Variants in SLC35D1 observed in about 807,000 individuals in gnomAD.
SLC35D1 encodes nucleotide sugar transporter SLC35D1.
SLC35D1 carries 31 observed loss-of-function variants against 46.7 expected under a neutral mutation model. That is an observed-to-expected ratio of 0.66 (90% CI 0.50 to 0.90). The LOEUF is 0.90. SLC35D1 is among the 40% of genes least tolerant of loss of function. SLC35D1 has a pLI of 0.00. For missense variants in SLC35D1, 397 were observed against 426.2 expected, an observed-to-expected ratio of 0.93 and a Z score of 0.60; for synonymous variants, 195 against 164.6, an observed-to-expected ratio of 1.18 and a Z score of -1.41.
downstream of SLC35D1, among the ~76,000 whole-genome samples, chr1:66,997,561 C>G (rs1317415154): frequency 1.8e-5 from 2 of 109,616 alleles, no homozygotes; most frequent in Non-Finnish European, 3.7e-5. Flanking sequence ...ATAGATATAT[C>G]TGTGTGTGTA....
chr1:66,986,434 T>C, the SLC35D1 span: 3 of 1,613,200 alleles, frequency 1.9e-6, no homozygotes, highest in East Asian at 4.5e-5. Context: ...CAGTTCATTT[T>C]TCAGCCATCA....
At chr1:66,985,309 A>C in the SLC35D1 span, 2 of 985,422 alleles carry the variant, frequency 2.0e-6, no homozygotes, top group African/African-American at 1.7e-5. Flanking sequence ...CTCAAGTCCA[A>C]ATTTCTGCTT....
chr1:66,973,120 T>C, the SLC35D1 span: 1 of 589,220 alleles, frequency 1.7e-6, no homozygotes, highest in South Asian at 2.1e-5. Context: ...TTTTGGTATT[T>C]AGTGAGTAAT....
chr1:66,986,082 T>C, the SLC35D1 span: 135 of 1,047,230 alleles, frequency 1.3e-4, 1 homozygote, highest in Admixed American at 4.5e-3. Context: ...TACTTAGATA[T>C]TGGCACACAC....
chr1:67,006,258 T>C (rs1276392650), intron 11 of SLC35D1, among the ~76,000 whole-genome samples: 2 of 152,124 alleles, frequency 1.3e-5, no homozygotes, highest in Admixed American at 6.5e-5. Flanking sequence ...CCTAGAAACT[T>C]TTCTGGTTTT....
chr1:66,990,530 G>T, the SLC35D1 span, among the ~76,000 whole-genome samples: 3 of 152,110 alleles, frequency 2.0e-5, no homozygotes, highest in Non-Finnish European at 1.5e-5. Flanking sequence ...GCCTCCCAAA[G>T]TGTTGGGATT....
At chr1:67,040,437 G>A (rs1301149676) in intron 8 of SLC35D1, among the ~76,000 whole-genome samples, 2 of 152,146 alleles carry the variant, frequency 1.3e-5, no homozygotes, top group African/African-American at 4.8e-5. Context: ...TAAAAATCTA[G>A]GTTCTAGTCC....
At chr1:67,038,020 A>G (rs1358745589) in intron 8 of SLC35D1, among the ~76,000 whole-genome samples, 11 of 152,226 alleles carry the variant, frequency 7.2e-5, no homozygotes, top group Non-Finnish European at 7.3e-5. Context: ...TTAAAAAGAG[A>G]TATCTCAGAG....
chr1:67,021,937 C>G (rs1235978232), intron 8 of SLC35D1, among the ~76,000 whole-genome samples: 1 of 152,164 alleles, frequency 6.6e-6, no homozygotes, highest in Non-Finnish European at 1.5e-5. Flanking sequence ...AAGGCACAAG[C>G]CACATTTGGC....
rs35069681 is a variant in SLC35D1 at position 67,021,724 on chromosome 1, GACAC to G, written c.730-126_730-123del. 1,856 of 421,814 alleles carry G rather than the reference GACAC, an allele frequency of 4.4e-3. 4 individuals are homozygous for G. The highest frequency in any genetic ancestry group is 7.1e-3 in the Middle Eastern group (13 of 1,822). 26.1% of individuals were successfully genotyped at this position (421,814 alleles called of 1,614,324 possible). ...AGACACAGACACAGACACAGACACA[GACAC>G]ACACACACACACACACACACACACA... is the stretch of plus-strand genomic sequence containing the variant. On this transcript the variant is annotated intron_variant, in intron 8 of 11. Transcript: ENST00000235345.
At chr1:66,993,324 A>G in the SLC35D1 span, among the ~76,000 whole-genome samples, 1 of 152,162 alleles carries the variant, frequency 6.6e-6, no homozygotes, top group Non-Finnish European at 1.5e-5. Context: ...AATTTGTTGT[A>G]CCATCTGCCT....
chr1:67,023,559 C>T (rs890790877), intron 8 of SLC35D1, among the ~76,000 whole-genome samples: 15 of 150,842 alleles, frequency 9.9e-5, no homozygotes, highest in African/African-American at 3.7e-4. Context: ...GATCTCAGCT[C>T]ACTACAACCT....
intron 8 of SLC35D1, among the ~76,000 whole-genome samples, chr1:67,031,569 GCAA>G (rs1668018527): frequency 6.6e-6 from 1 of 152,048 alleles, no homozygotes; most frequent in African/African-American, 2.4e-5. Flanking sequence ...CAAAGGCAAG[GCAA>G]CAACATGTTC....
chr1:66,992,100 T>TCAC, the SLC35D1 span, among the ~76,000 whole-genome samples: 1 of 152,190 alleles, frequency 6.6e-6, no homozygotes, highest in Admixed American at 6.5e-5. Context: ...TCAAAACACA[T>TCAC]CACAGCACAT....
intron 4 of SLC35D1, among the ~76,000 whole-genome samples, chr1:67,051,025 T>C (rs1645303037): frequency 6.6e-6 from 1 of 152,184 alleles, no homozygotes; most frequent in South Asian, 2.1e-4. Context: ...GCCTTATACT[T>C]AGCTGGCAAT....
the SLC35D1 span, among the ~76,000 whole-genome samples, chr1:66,989,294 G>A: frequency 6.6e-6 from 1 of 152,118 alleles, no homozygotes; most frequent in Non-Finnish European, 1.5e-5. Context: ...TCACTTTTTG[G>A]TATTCTCATC....
chr1:66,992,219 G>A, the SLC35D1 span, among the ~76,000 whole-genome samples: 12 of 152,318 alleles, frequency 7.9e-5, no homozygotes, highest in East Asian at 2.3e-3. Context: ...GGTTTTCAGA[G>A]CCCTGTGGAT....
chr1:67,025,995 T>C (rs986236911), intron 8 of SLC35D1, among the ~76,000 whole-genome samples: 5 of 152,198 alleles, frequency 3.3e-5, no homozygotes, highest in Non-Finnish European at 7.4e-5. Context: ...ACAGTTTTGC[T>C]TCTTCCTTTC....
chr1:67,019,705 T>C (rs1667758600), intron 10 of SLC35D1, among the ~76,000 whole-genome samples: 1 of 152,208 alleles, frequency 6.6e-6, no homozygotes, highest in African/African-American at 2.4e-5. Context: ...GCAGGCCCAC[T>C]TGGCTAATTC....
Sources: allele counts gnomAD v4.1 joint callset (sites outside exome capture counted in the v4.1 genomes callset), GRCh38; gene constraint gnomAD v4.1.1; transcripts MANE v1.5; gene names NCBI Gene and HGNC (gene_info 2026-07-23, HGNC 2026-07-21).